NLK: variants seen among roughly 807,000 people sequenced by gnomAD.
The protein encoded by NLK is nemo like kinase, also known as serine/threonine-protein kinase NLK.
A neutral mutation model predicts 59.0 loss-of-function variants in NLK; 11 were observed. That is an observed-to-expected ratio of 0.19 (90% CI 0.12 to 0.31). The LOEUF (loss-of-function observed/expected upper bound fraction) is 0.31, where lower values mean the gene tolerates loss of function less well. Ranked by LOEUF, NLK falls within the 10% of genes least tolerant of loss-of-function variation. NLK has a pLI of 1.00. For missense variants in NLK, 410 were observed against 661.1 expected, an observed-to-expected ratio of 0.62 and a Z score of 4.16; for synonymous variants, 235 against 235.9, an observed-to-expected ratio of 1.00 and a Z score of 0.03.
At chr17:28,114,448 C>T (rs1315900812) in intron 1 of NLK, among the ~76,000 whole-genome samples, 2 of 152,168 alleles carry the variant, frequency 1.3e-5, no homozygotes, top group African/African-American at 4.8e-5. Context: ...GTTCTGTATA[C>T]ATCTGGATAA....
At chr17:28,077,003 T>A in intron 1 of NLK, among the ~76,000 whole-genome samples, 1 of 151,952 alleles carries the variant, frequency 6.6e-6, no homozygotes. Flanking sequence ...TTTAAATTGA[T>A]GTTTTCTTTA....
chr17:28,204,510 G>A, the NLK span, among the ~76,000 whole-genome samples: 2 of 152,130 alleles, frequency 1.3e-5, no homozygotes, highest in Non-Finnish European at 2.9e-5. Context: ...TTATATATGC[G>A]CCTGTGTGTA....
intron 1 of NLK, among the ~76,000 whole-genome samples, chr17:28,064,830 A>T (rs1201256376): frequency 6.6e-6 from 1 of 152,180 alleles, no homozygotes; most frequent in Non-Finnish European, 1.5e-5. Flanking sequence ...CTTCTATAAC[A>T]TAGGGGTTAT....
intron 3 of NLK, among the ~76,000 whole-genome samples, chr17:28,155,481 G>C (rs774516591): frequency 1.3e-5 from 2 of 152,250 alleles, no homozygotes; most frequent in South Asian, 2.1e-4. Context: ...ATATGCACAC[G>C]TATGTTTATT....
At chr17:28,197,169 A>G (rs1449361552), downstream of NLK, among the ~76,000 whole-genome samples, 2 of 152,106 alleles carry the variant, frequency 1.3e-5, no homozygotes, top group Non-Finnish European at 2.9e-5. Flanking sequence ...AACACATATC[A>G]TTTTGAAACT....
intron 8 of NLK, among the ~76,000 whole-genome samples, chr17:28,185,609 T>A (rs918461008): frequency 6.6e-6 from 1 of 152,132 alleles, no homozygotes; most frequent in Non-Finnish European, 1.5e-5. Flanking sequence ...AGTGCAGAGG[T>A]GTGATCTCAG....
Position 28,194,719 on chromosome 17 carries a change from C to T in NLK, c.*83C>T. On this transcript the variant is annotated 3_prime_UTR_variant, in exon 11 of 11. Coordinates refer to ENST00000407008, the MANE Select transcript of NLK (RefSeq NM_016231.5). ...TTTGCAATTCTGGAGGTTAATCATG[C>T]TTGTACTGTAATTTTACTAATGAAG... is the stretch of plus-strand genomic sequence containing the variant. The T allele has an allele frequency of 1.2e-6, 1 of 846,126 alleles. No homozygotes were observed. Among genetic ancestry groups the T allele is most frequent in the Non-Finnish European group, 1.8e-6 (1 of 545,938 alleles). 52.4% of individuals were successfully genotyped at this position (846,126 alleles called of 1,614,324 possible).
intron 1 of NLK, among the ~76,000 whole-genome samples, chr17:28,117,237 T>C (rs1017882971): frequency 6.6e-6 from 1 of 152,218 alleles, no homozygotes; most frequent in African/African-American, 2.4e-5. Flanking sequence ...ATTCATGATC[T>C]AAAGAACAAT....
chr17:28,171,974 A>G lies in NLK; in HGVS notation c.1048-543A>G, dbSNP rs34280759. Among the ~76,000 whole-genome samples, 269 of 151,920 alleles carry G rather than the reference A, an allele frequency of 1.8e-3. 1 individual carries two copies. The highest frequency in any genetic ancestry group is 5.2e-3 in the Admixed American group (79 of 15,244). ...AAATAATAGGATAAATAGGAACTAAATAATAGAATAAATAGGAATAGGATA... is the reference window on the plus strand; with the variant it reads ...AAATAATAGGATAAATAGGAACTAAGTAATAGAATAAATAGGAATAGGATA... On this transcript the variant is annotated intron_variant, in intron 6 of 10. Coordinates refer to ENST00000407008, the MANE Select transcript of NLK (RefSeq NM_016231.5).
At chr17:28,095,676 C>T (rs1044722450) in intron 1 of NLK, among the ~76,000 whole-genome samples, 2 of 152,136 alleles carry the variant, frequency 1.3e-5, no homozygotes, top group African/African-American at 4.8e-5. Flanking sequence ...ATGATTATTC[C>T]ATTAAGCAAC....
chr17:28,191,160 C>A lies in NLK; in HGVS notation c.1376C>A (p.Thr459Asn). The A allele has an allele frequency of 6.2e-7, 1 of 1,613,514 alleles. No homozygotes were observed. The highest frequency in any genetic ancestry group is 1.3e-5 in the African/African-American group (1 of 75,024). Residue 459 changes from threonine to asparagine, a missense_variant, in exon 9 of 11, where the codon ACC becomes AAC. Coordinates refer to ENST00000407008, the MANE Select transcript of NLK (RefSeq NM_016231.5). ...RVYTSDFEPV[T>N]NPKFDDTFEK... Reference sequence around the variant, plus strand: ...TATACCAGTGACTTTGAGCCTGTCACCAATCCCAAATTTGATGACACTTTC... The same window carrying A: ...TATACCAGTGACTTTGAGCCTGTCAACAATCCCAAATTTGATGACACTTTC...
chr17:28,067,291 A>T (rs966705671), intron 1 of NLK, among the ~76,000 whole-genome samples: 3 of 152,090 alleles, frequency 2.0e-5, no homozygotes, highest in Admixed American at 6.6e-5. Flanking sequence ...GTTTAGGTAG[A>T]CCTTTATTTT....
intron 1 of NLK, among the ~76,000 whole-genome samples, chr17:28,067,286 G>GGTA (rs1460386169): frequency 6.6e-6 from 1 of 152,044 alleles, no homozygotes; most frequent in East Asian, 1.9e-4. Context: ...GTGAAGTTTA[G>GGTA]GTAGACCTTT....
intron 3 of NLK, among the ~76,000 whole-genome samples, chr17:28,159,477 A>G (rs560418774): frequency 1.3e-5 from 2 of 152,272 alleles, no homozygotes; most frequent in South Asian, 2.1e-4. Context: ...GTGTTTGAAA[A>G]ATAAGAAAAA....
At chr17:28,175,228 G>A (rs1247407353) in intron 7 of NLK, among the ~76,000 whole-genome samples, 1 of 151,506 alleles carries the variant, frequency 6.6e-6, no homozygotes, top group African/African-American at 2.4e-5. Flanking sequence ...GGCGGATCAC[G>A]AGGTCAGGAG....
chr17:28,203,166 C>CAT, the NLK span, among the ~76,000 whole-genome samples: 1 of 110,484 alleles, frequency 9.1e-6, no homozygotes, highest in Non-Finnish European at 2.2e-5. Context: ...TACATACATA[C>CAT]ACACACACAC....
chr17:28,059,582 GA>G (rs928294114), intron 1 of NLK, among the ~76,000 whole-genome samples: 4 of 151,814 alleles, frequency 2.6e-5, no homozygotes, highest in Non-Finnish European at 5.9e-5. Context: ...TGCTAGAGTA[GA>G]AAAAAAAGTT....
At chr17:28,122,988 C>T (rs1906131625) in intron 2 of NLK, among the ~76,000 whole-genome samples, 1 of 152,096 alleles carries the variant, frequency 6.6e-6, no homozygotes, top group Non-Finnish European at 1.5e-5. Flanking sequence ...TCTTTCAGTG[C>T]TTTGCTTTCC....
chr17:28,192,136 C>A lies in NLK; in HGVS notation c.1452C>A (p.Phe484Leu), dbSNP rs759851437. 6.2e-7 allele frequency: 1 copy of A among 1,604,440 alleles called. No individual in the cohort carries two copies. Reference protein sequence around the residue: ...VRQVKEIIHQFILEQQKGNRV... With the variant: ...VRQVKEIIHQLILEQQKGNRV... ...TCTCCACAGAAATTATTCATCAGTT[C>A]ATTTTGGAACAGCAGAAAGGAAACA... Residue 484 changes from phenylalanine to leucine, a missense_variant, in exon 10 of 11, where the codon TTC becomes TTA. Physicochemically the swap from Phe to Leu is conservative, Grantham distance 22. Coordinates refer to ENST00000407008, the MANE Select transcript of NLK (RefSeq NM_016231.5).
Sources: gnomAD v4.1 joint callset for allele counts (sites outside exome capture counted in the v4.1 genomes callset) on GRCh38, gnomAD v4.1.1 for gene constraint, MANE v1.5 for transcripts, NCBI Gene and HGNC (gene_info 2026-07-23, HGNC 2026-07-21) for gene names.